Variants in SMIM23 observed in about 807,000 individuals in gnomAD.
The protein encoded by SMIM23 is small integral membrane protein 23.
In SMIM23, 10 loss-of-function variants were observed where a neutral mutation model predicts 12.8. The ratio of observed to expected loss-of-function variants is 0.78; its 90% CI spans 0.48 to 1.32. The LOEUF is 1.32. Among genes scored for constraint, SMIM23 ranks in the 40% most tolerant of loss-of-function variants. SMIM23 has a pLI of 0.00. For synonymous variants in SMIM23, 78 were observed against 80.1 expected, an observed-to-expected ratio of 0.97 and a Z score of 0.14; for missense variants, 184 against 198.2, an observed-to-expected ratio of 0.93 and a Z score of 0.43.
upstream of SMIM23, among the ~76,000 whole-genome samples, chr5:171,778,631 G>C (rs913802539): frequency 6.6e-6 from 1 of 152,204 alleles, no homozygotes; most frequent in African/African-American, 2.4e-5. Flanking sequence ...AGGGAGCACA[G>C]CCAGATGCAT....
chr5:171,786,667 A>C (rs186918628), intron 1 of SMIM23, among the ~76,000 whole-genome samples: 89 of 152,184 alleles, frequency 5.8e-4, no homozygotes, highest in Non-Finnish European at 1.1e-3. Context: ...TGTTTTCAAA[A>C]GACTTGTTCA....
chr5:171,777,655 G>A (rs550429340), upstream of SMIM23, among the ~76,000 whole-genome samples: 12 of 152,348 alleles, frequency 7.9e-5, no homozygotes, highest in South Asian at 4.1e-4. Flanking sequence ...GAGTGCCACG[G>A]ACTGTGAGAG....
the SMIM23 span, among the ~76,000 whole-genome samples, chr5:171,776,606 C>T: frequency 6.6e-6 from 1 of 152,160 alleles, no homozygotes; most frequent in Non-Finnish European, 1.5e-5. Flanking sequence ...GATAGGGTCT[C>T]AGGAGCACAT....
upstream of SMIM23, among the ~76,000 whole-genome samples, chr5:171,779,814 A>G (rs192199786): frequency 2.9e-4 from 44 of 151,654 alleles, no homozygotes; most frequent in African/African-American, 1.0e-3. Context: ...AGAGAGGGAG[A>G]GAGGAGAGGA....
intron 1 of SMIM23, among the ~76,000 whole-genome samples, chr5:171,786,985 A>G (rs1755830172): frequency 7.7e-6 from 1 of 130,282 alleles, no homozygotes; most frequent in African/African-American, 2.9e-5. Context: ...CCTTGATTCT[A>G]CCAGAGTCCC....
Position 171,785,876 on chromosome 5 carries a change from C to G in SMIM23, c.5C>G (p.Ala2Gly). ...CAGGCAGCCAGATCTGAGGCCATGG[C>G]AACCCAGCAAGTGGACAGCAGAAGG... M[A>G]TQQVDSRRQV... The change falls in exon 1 of 4, where the codon GCA (alanine) becomes GGA (glycine). Residue 2 changes from alanine to glycine, a missense_variant. Ala to Gly is a moderately conservative substitution (Grantham distance 60, BLOSUM62 0). Coordinates refer to ENST00000523047, the MANE Select transcript of SMIM23 (RefSeq NM_001289970.2). 1 of 1,536,198 alleles carries G rather than the reference C, an allele frequency of 6.5e-7. No individual in the cohort carries two copies. Among genetic ancestry groups the G allele is most frequent in the Non-Finnish European group, 8.7e-7 (1 of 1,146,890 alleles).
intron 3 of SMIM23, 64 bp from the exon 4 acceptor site, chr5:171,790,731 G>A (rs1408011797): frequency 4.7e-5 from 71 of 1,514,848 alleles, no homozygotes; most frequent in Non-Finnish European, 6.2e-5. Flanking sequence ...TGAAACCAGT[G>A]GGGATGGGGA....
In SMIM23 at chr5:171,789,729, G is replaced by C. The variant is rs959322134; in HGVS notation, c.106-501G>C. Among the ~76,000 whole-genome samples the C allele has an allele frequency of 3.3e-5, 5 of 152,314 alleles. No individual in the cohort carries two copies. In the South Asian group the frequency reaches 1.0e-3, roughly 32 times the overall value. On this transcript the variant is annotated intron_variant, in intron 1 of 3. Coordinates refer to ENST00000523047, the MANE Select transcript of SMIM23 (RefSeq NM_001289970.2). ...TCCACTTATACAAGGTTATGGAACA[G>C]GCAAAACTACTCACAGTGACAGAAA...
At chr5:171,778,290 G>A (rs995972255), upstream of SMIM23, among the ~76,000 whole-genome samples, 10 of 151,768 alleles carry the variant, frequency 6.6e-5, no homozygotes, top group Admixed American at 6.6e-4. Flanking sequence ...CCGGGAGGCA[G>A]AGGTTGAAGT....
At chr5:171,785,452 T>C (rs539722083), upstream of SMIM23, among the ~76,000 whole-genome samples, 1 of 152,058 alleles carries the variant, frequency 6.6e-6, no homozygotes, top group Admixed American at 6.5e-5. Flanking sequence ...TCTCACCATG[T>C]TGCCCAGGCT....
Position 171,785,989 on chromosome 5 carries a change from C to T in SMIM23, c.105+13C>T, listed in dbSNP as rs1165704573. On this transcript the variant is annotated intron_variant, in intron 1 of 3. Transcript: ENST00000523047. Reference sequence around the variant, plus strand: ...TGACGAGAAGCAGGTGAGGCCAGGCCAGGTACATGCTGCTTTCCTCCCATC... The same window carrying T: ...TGACGAGAAGCAGGTGAGGCCAGGCTAGGTACATGCTGCTTTCCTCCCATC... 17 of 1,530,032 alleles carry T rather than the reference C, an allele frequency of 1.1e-5. No homozygotes were observed. The highest frequency in any genetic ancestry group is 1.3e-5 in the Non-Finnish European group (15 of 1,141,264). 94.8% of individuals were successfully genotyped at this position (1,530,032 alleles called of 1,614,324 possible). A position where few individuals can be genotyped will look rare whatever the true frequency, so the allele number is the denominator to read the frequency against.
upstream of SMIM23, among the ~76,000 whole-genome samples, chr5:171,780,339 C>T (rs1378722022): frequency 1.3e-5 from 2 of 152,094 alleles, no homozygotes; most frequent in Admixed American, 6.5e-5. Flanking sequence ...GTGAAGCACC[C>T]AGTGCTGTAC....
rs1014949062 is a variant in SMIM23 at position 171,790,853 on chromosome 5, G to A, written c.284G>A (p.Trp95Ter). 2 of 1,536,164 alleles carry A rather than the reference G, an allele frequency of 1.3e-6. No individual in the cohort carries two copies. Among genetic ancestry groups the A allele is most frequent in the African/African-American group, 2.7e-5 (2 of 73,168 alleles). ...GAACCGATAAAGACCATCAGGAACT[G>A]GCTGAAGGAGAAGTTGCATGTCTTC... is the stretch of plus-strand genomic sequence containing the variant. ...SEEPIKTIRN[W>*]LKEKLHVFSE... Residue 95 changes from tryptophan (W) to a stop codon, truncating the protein, a stop_gained, in exon 4 of 4, where the codon TGG becomes TAG. Transcript: ENST00000523047. LOFTEE classifies it low-confidence loss of function (END_TRUNC).
At chr5:171,772,763 A>G in the SMIM23 span, among the ~76,000 whole-genome samples, 1 of 151,892 alleles carries the variant, frequency 6.6e-6, no homozygotes. Context: ...TGCCTTTCCC[A>G]CCCTCCACCC....
the SMIM23 span, among the ~76,000 whole-genome samples, chr5:171,775,502 G>A: frequency 7.2e-4 from 110 of 152,288 alleles, no homozygotes; most frequent in African/African-American, 2.5e-3. Flanking sequence ...CACAGGAAGA[G>A]GAGGCAGTGG....
Position 171,790,542 on chromosome 5 carries a change from T to C in SMIM23, c.218T>C (p.Val73Ala). ...TGTAACTACTACCAGAATCTTGCAG[T>C]TCCCCAGGTAACATGTCCAGCAAGG... ...RECNYYQNLAVPQGLEYQTNE... is the reference protein window; with the variant it reads ...RECNYYQNLAAPQGLEYQTNE... The change falls in exon 3 of 4, where the codon GTT (valine) becomes GCT (alanine). Residue 73 changes from valine to alanine, a missense_variant. Val to Ala is a moderately conservative substitution (Grantham distance 64). Coordinates refer to ENST00000523047, the MANE Select transcript of SMIM23 (RefSeq NM_001289970.2). 2 of 1,536,716 alleles carry C rather than the reference T, an allele frequency of 1.3e-6. No homozygotes were observed. Among genetic ancestry groups the C allele is most frequent in the Non-Finnish European group, 8.7e-7 (1 of 1,146,998 alleles).
upstream of SMIM23, among the ~76,000 whole-genome samples, chr5:171,783,595 A>G (rs1581071863): frequency 6.6e-6 from 1 of 151,798 alleles, no homozygotes; most frequent in Non-Finnish European, 1.5e-5. Context: ...GCGTAAAGCT[A>G]TACAACCAAA....
intron 1 of SMIM23, 74 bp downstream of exon 1, chr5:171,786,050 C>T: frequency 8.4e-7 from 1 of 1,196,564 alleles, no homozygotes; most frequent in East Asian, 2.6e-5. Context: ...GACTAGAAGT[C>T]CCTCAAAGCC....
intron 1 of SMIM23, among the ~76,000 whole-genome samples, chr5:171,787,421 C>G (rs573580372): frequency 6.6e-6 from 1 of 152,292 alleles, no homozygotes; most frequent in Admixed American, 6.5e-5. Flanking sequence ...AGGAAAAGGA[C>G]TCAAACTCAA....
Sources: gnomAD v4.1 joint callset for allele counts (sites outside exome capture counted in the v4.1 genomes callset) on GRCh38, gnomAD v4.1.1 for gene constraint, MANE v1.5 for transcripts, NCBI Gene and HGNC (gene_info 2026-07-23, HGNC 2026-07-21) for gene names.